DENND2A: variants seen among roughly 807,000 people sequenced by gnomAD.
DENND2A encodes DENN domain-containing protein 2A.
In DENND2A, 53 loss-of-function variants were observed where a neutral mutation model predicts 105.3. That is an observed-to-expected ratio of 0.50 (90% CI 0.40 to 0.63). The LOEUF (loss-of-function observed/expected upper bound fraction) is 0.63. Among genes scored for constraint, DENND2A ranks in the 30% least tolerant of loss-of-function variants. DENND2A has a pLI of 0.00. For synonymous variants in DENND2A, 522 were observed against 508.4 expected, an observed-to-expected ratio of 1.03 and a Z score of -0.36; for missense variants, 1,138 against 1,279.6, an observed-to-expected ratio of 0.89 and a Z score of 1.69.
intron 5 of DENND2A, among the ~76,000 whole-genome samples, chr7:140,575,861 C>T (rs269225): frequency 6.6e-6 from 1 of 151,364 alleles, no homozygotes; most frequent in Admixed American, 6.6e-5. Context: ...CTCAGCTACT[C>T]GGGAGGCTGA....
At chr7:140,569,785 C>T (rs766818796) in intron 6 of DENND2A, 47 bp from the exon 7 acceptor site, 1 of 1,352,390 alleles carries the variant, frequency 7.4e-7, no homozygotes. Context: ...AGCCCACTCT[C>T]TGTGGCAGCT....
chr7:140,553,242 G>A (rs928672248), intron 12 of DENND2A, among the ~76,000 whole-genome samples: 2 of 152,134 alleles, frequency 1.3e-5, no homozygotes, highest in Non-Finnish European at 2.9e-5. Context: ...AGACAAACAC[G>A]TGAACAAAGG....
intron 11 of DENND2A, 78 bp from the exon 12 acceptor site, chr7:140,555,791 G>A: frequency 1.6e-6 from 2 of 1,246,192 alleles, no homozygotes; most frequent in Non-Finnish European, 2.3e-6. Flanking sequence ...TTTTTTGCGA[G>A]ACTATCATGT....
At chr7:140,519,792 C>T (rs1424587194) in intron 18 of DENND2A, 74 bp from the exon 19 acceptor site, 7 of 1,364,452 alleles carry the variant, frequency 5.1e-6, no homozygotes, top group Middle Eastern at 3.6e-4. Flanking sequence ...TTCCTCCCTA[C>T]CAGAGAAAAG....
In DENND2A at chr7:140,569,629, G is replaced by C. The variant is rs1245713514; in HGVS notation, c.1540+16C>G. ...TCCGATTCTTGCGGGAGGAGGGCTG[G>C]TGGTGGGGGTTCTACCTTTTCCTGA... On this transcript the variant is annotated intron_variant, in intron 7 of 19. Transcript: ENST00000496613. The C allele has an allele frequency of 6.4e-7, 1 of 1,551,960 alleles. No individual in the cohort carries two copies. Among genetic ancestry groups the C allele is most frequent in the Non-Finnish European group, 8.9e-7 (1 of 1,123,276 alleles).
In DENND2A at chr7:140,558,185, T is replaced by G. The variant is rs753091238; in HGVS notation, c.1917A>C (p.Gly639=). 1.2e-6 allele frequency: 2 copies of G among 1,613,452 alleles called. No homozygotes were observed. Among genetic ancestry groups the G allele is most frequent in the South Asian group, 1.1e-5 (1 of 91,084 alleles). Residue 639 remains glycine, a synonymous_variant, in exon 11 of 20, where the codon GGA becomes GGC. Coordinates refer to ENST00000496613, the MANE Select transcript of DENND2A (RefSeq NM_015689.5). ...AACCGAACCTTCTGCTCCCATCTTC[T>G]CCAGTTAAGACAAATGAGAATGTTT... is the stretch of plus-strand genomic sequence containing the variant. The part of the protein sequence containing the change: ...TSETFSFVLT[G]EDGSRRFGYC...
At chr7:140,623,299 A>G (rs1284880314) in intron 1 of DENND2A, among the ~76,000 whole-genome samples, 1 of 143,564 alleles carries the variant, frequency 7.0e-6, no homozygotes, top group African/African-American at 2.6e-5. Flanking sequence ...TGGGCGACAC[A>G]GCGAGGCTCT....
At chr7:140,557,766 C>T in intron 11 of DENND2A, among the ~76,000 whole-genome samples, 1 of 150,266 alleles carries the variant, frequency 6.7e-6, no homozygotes. Flanking sequence ...TCTCGATCTC[C>T]TGACCTCGTG....
At chr7:140,606,497 C>T (rs1013668895) in intron 1 of DENND2A, among the ~76,000 whole-genome samples, 7 of 152,158 alleles carry the variant, frequency 4.6e-5, no homozygotes, top group Admixed American at 2.6e-4. Flanking sequence ...AAAGTAGTTG[C>T]CCTTTTATTT....
chr7:140,573,773 G>A, intron 6 of DENND2A, 35 bp downstream of exon 6: 1 of 1,604,548 alleles, frequency 6.2e-7, no homozygotes, highest in Non-Finnish European at 8.5e-7. Context: ...AAGGGGTCAT[G>A]CATACCTGAG....
At chr7:140,604,207 C>A (rs1475016433) in intron 2 of DENND2A, among the ~76,000 whole-genome samples, 1 of 152,256 alleles carries the variant, frequency 6.6e-6, no homozygotes, top group Non-Finnish European at 1.5e-5. Flanking sequence ...GTAGCAATTT[C>A]ATGCATCCTG....
intron 12 of DENND2A, among the ~76,000 whole-genome samples, chr7:140,548,558 G>T (rs1378567412): frequency 1.3e-5 from 2 of 152,056 alleles, no homozygotes; most frequent in Non-Finnish European, 2.9e-5. Context: ...AGTATCACAT[G>T]TAGCTATTGA....
chr7:140,572,226 T>C (rs1316370936), intron 6 of DENND2A, among the ~76,000 whole-genome samples: 2 of 151,642 alleles, frequency 1.3e-5, no homozygotes, highest in African/African-American at 4.8e-5. Flanking sequence ...AGGCTGGTCT[T>C]GAACTCCTGG....
intron 1 of DENND2A, among the ~76,000 whole-genome samples, chr7:140,606,560 C>T (rs974094804): frequency 1.3e-5 from 2 of 152,166 alleles, no homozygotes; most frequent in African/African-American, 4.8e-5. Context: ...CAGGGATACT[C>T]TACCCTTCTG....
intron 1 of DENND2A, among the ~76,000 whole-genome samples, chr7:140,639,641 C>T (rs1218867140): frequency 6.6e-6 from 1 of 152,206 alleles, no homozygotes; most frequent in Non-Finnish European, 1.5e-5. Flanking sequence ...TACTGTAGCA[C>T]GCCTATTACA....
intron 9 of DENND2A, among the ~76,000 whole-genome samples, chr7:140,560,833 C>T (rs1301974150): frequency 1.3e-5 from 2 of 151,804 alleles, no homozygotes; most frequent in East Asian, 1.9e-4. Flanking sequence ...GCTCGGGAGG[C>T]TGAGGCATGA....
intron 1 of DENND2A, among the ~76,000 whole-genome samples, chr7:140,610,699 C>T (rs773391659): frequency 1.8e-4 from 28 of 152,146 alleles, no homozygotes; most frequent in Non-Finnish European, 5.9e-5. Flanking sequence ...AAGTGTTTTC[C>T]CACAAGTAGG....
chr7:140,555,707 C>T lies in DENND2A; in HGVS notation c.1966G>A (p.Gly656Ser), dbSNP rs758642466. Residue 656 changes from glycine to serine, a missense_variant, in exon 12 of 20, where the codon GGC becomes AGC. Gly to Ser is a moderately conservative substitution (Grantham distance 56, BLOSUM62 0). This residue lies in a region of DENND2A where 627 missense variants were observed against 779.8 expected (regional missense o/e 0.80). Transcript: ENST00000496613. ...FGYCRRLLPG[G>S]KGKRLPEVYC... ...ACTTCAGGAAGGCGCTTCCCTTTGC[C>T]TCCAGGCTTTTCGGAGAGAAACACA... 29 of 1,600,356 alleles carry T rather than the reference C, an allele frequency of 1.8e-5. No homozygotes were observed. The highest frequency in any genetic ancestry group is 2.7e-5 in the African/African-American group (2 of 73,686).
intron 11 of DENND2A, 137 bp from the exon 12 acceptor site, chr7:140,555,850 T>C: frequency 9.9e-6 from 6 of 604,658 alleles, no homozygotes; most frequent in Middle Eastern, 2.6e-4. Flanking sequence ...ATAAAGTAAG[T>C]TGTTATCCCA....
Sources: allele counts gnomAD v4.1 joint callset (sites outside exome capture counted in the v4.1 genomes callset), GRCh38; gene constraint gnomAD v4.1.1; regional missense constraint gnomAD v4.1.1; transcripts MANE v1.5; gene names NCBI Gene and HGNC (gene_info 2026-07-23, HGNC 2026-07-21).